EXT1: variants seen among roughly 807,000 people sequenced by gnomAD.
EXT1 encodes exostosin-1.
EXT1 carries 20 observed loss-of-function variants against 82.5 expected under a neutral mutation model. That is an observed-to-expected ratio of 0.24 (90% confidence interval 0.17 to 0.35). EXT1 has a LOEUF of 0.35. Ranked by LOEUF, EXT1 falls within the 10% of genes least tolerant of loss-of-function variation. EXT1 has a pLI of 1.00. For missense variants in EXT1, 757 were observed against 936.5 expected, an observed-to-expected ratio of 0.81 and a Z score of 2.50; for synonymous variants, 348 against 350.8, an observed-to-expected ratio of 0.99 and a Z score of 0.09.
At chr8:117,956,370 C>T (rs1814586178) in intron 1 of EXT1, among the ~76,000 whole-genome samples, 2 of 152,110 alleles carry the variant, frequency 1.3e-5, no homozygotes, top group African/African-American at 4.8e-5. Context: ...GACTACCATT[C>T]TATGAGAATC....
At chr8:117,985,170 A>G (rs112992414) in intron 1 of EXT1, among the ~76,000 whole-genome samples, 24 of 152,344 alleles carry the variant, frequency 1.6e-4, no homozygotes, top group Non-Finnish European at 2.9e-4. Flanking sequence ...GAGCCCATAC[A>G]TACCAAACCA....
chr8:118,063,710 CTCTCCTGTGAGA>C (rs1483459106), intron 1 of EXT1, among the ~76,000 whole-genome samples: 2 of 152,350 alleles, frequency 1.3e-5, no homozygotes, highest in Admixed American at 6.5e-5. Context: ...TACAACTAGA[CTCTCCTGTGAGA>C]TCACAGACAA....
chr8:118,060,990 A>C lies in EXT1; in HGVS notation c.962+49095T>G, dbSNP rs191683501. On this transcript the variant is annotated intron_variant, in intron 1 of 10. Transcript: ENST00000378204. ...TGCACAATGGGTGTTCTCAAGTGAAAGGGATTTGCAGGCAAAATGCCTGAG... is the reference window on the plus strand; with the variant it reads ...TGCACAATGGGTGTTCTCAAGTGAACGGGATTTGCAGGCAAAATGCCTGAG... Among the ~76,000 whole-genome samples the C allele has an allele frequency of 1.9e-3, 282 of 152,362 alleles. 4 individuals carry two copies. The highest frequency in any genetic ancestry group is 6.7e-3 in the African/African-American group (279 of 41,588).
chr8:117,831,481 G>A, intron 3 of EXT1: 1 of 425,416 alleles, frequency 2.4e-6, no homozygotes, highest in Admixed American at 2.7e-5. Context: ...CCTGAGTCTG[G>A]TAAGTTTTCT....
intron 1 of EXT1, among the ~76,000 whole-genome samples, chr8:118,005,030 A>G (rs983606275): frequency 2.0e-5 from 3 of 152,146 alleles, no homozygotes; most frequent in African/African-American, 7.2e-5. Flanking sequence ...CCACTTTTAC[A>G]TGGGGGTGAG....
chr8:117,867,833 G>C (rs955229288), intron 1 of EXT1, among the ~76,000 whole-genome samples: 3 of 152,140 alleles, frequency 2.0e-5, no homozygotes, highest in Non-Finnish European at 4.4e-5. Flanking sequence ...CACCATTTAT[G>C]TGTTTCATCA....
chr8:118,042,407 G>T (rs184180085), intron 1 of EXT1, among the ~76,000 whole-genome samples: 210 of 152,196 alleles, frequency 1.4e-3, no homozygotes, highest in Middle Eastern at 6.8e-3. Context: ...GATTTTTCCT[G>T]CCTCTGCCTC....
At chr8:117,980,854 C>A (rs1208188735) in intron 1 of EXT1, among the ~76,000 whole-genome samples, 2 of 152,110 alleles carry the variant, frequency 1.3e-5, no homozygotes, top group African/African-American at 4.8e-5. Context: ...CAGTCCCCGG[C>A]CACCAGGACA....
intron 1 of EXT1, among the ~76,000 whole-genome samples, chr8:118,073,821 T>C (rs1477530223): frequency 6.6e-6 from 1 of 152,192 alleles, no homozygotes; most frequent in Non-Finnish European, 1.5e-5. Flanking sequence ...AGCTATGACT[T>C]ACTGAGCAAT....
intron 1 of EXT1, among the ~76,000 whole-genome samples, chr8:117,882,921 G>A (rs1563589961): frequency 2.0e-5 from 3 of 149,360 alleles, no homozygotes; most frequent in South Asian, 2.1e-4. Flanking sequence ...AGATTGCAGC[G>A]AGCCAAGATC....
chr8:118,019,246 T>TGAAAGAAAGAAAGAAA (rs58914414), intron 1 of EXT1, among the ~76,000 whole-genome samples: 24,430 of 145,460 alleles, frequency 0.17, 2,104 homozygotes, highest in Middle Eastern at 0.29. Context: ...GCAGTACGAT[T>TGAAAGAAAGAAAGAAA]GAAAGAAAGA....
At chr8:117,831,732 A>T (rs1812101999) in intron 3 of EXT1, 1 of 466,244 alleles carries the variant, frequency 2.1e-6, no homozygotes, top group Admixed American at 2.4e-5. Context: ...ACTGTAACAG[A>T]GTTTCCATTG....
At chr8:117,859,258 T>G (rs1208172378) in intron 1 of EXT1, among the ~76,000 whole-genome samples, 2 of 152,178 alleles carry the variant, frequency 1.3e-5, no homozygotes, top group Non-Finnish European at 2.9e-5. Flanking sequence ...GAACTTAGTG[T>G]TCAAAAACAG....
At chr8:117,912,068 TGAA>T (rs376888019) in intron 1 of EXT1, among the ~76,000 whole-genome samples, 15 of 151,756 alleles carry the variant, frequency 9.9e-5, no homozygotes, top group Admixed American at 3.9e-4. Context: ...TTTAGGCACC[TGAA>T]GAAGAAGAAG....
At chr8:117,975,655 T>C (rs1815048782) in intron 1 of EXT1, among the ~76,000 whole-genome samples, 1 of 152,150 alleles carries the variant, frequency 6.6e-6, no homozygotes, top group Non-Finnish European at 1.5e-5. Flanking sequence ...TTAAAGGACA[T>C]TGCAAACAAT....
intron 1 of EXT1, among the ~76,000 whole-genome samples, chr8:117,939,136 C>G (rs1814225174): frequency 6.6e-6 from 1 of 152,192 alleles, no homozygotes; most frequent in Non-Finnish European, 1.5e-5. Flanking sequence ...TCCCCCAGCC[C>G]TGCAAGAACT....
At chr8:117,892,478 A>T (rs911482235) in intron 1 of EXT1, among the ~76,000 whole-genome samples, 7 of 152,210 alleles carry the variant, frequency 4.6e-5, no homozygotes, top group African/African-American at 1.7e-4. Flanking sequence ...CTGCTGAGGA[A>T]GAAGAGGGTT....
chr8:117,956,609 AT>A (rs949258102), intron 1 of EXT1, among the ~76,000 whole-genome samples: 5 of 151,180 alleles, frequency 3.3e-5, no homozygotes, highest in Non-Finnish European at 7.4e-5. Flanking sequence ...TACCTGGCTA[AT>A]TTTTTTTTGT....
In EXT1 at chr8:117,822,682, G is replaced by A. The variant is rs1811945016; in HGVS notation, c.1285-85C>T. On this transcript the variant is annotated intron_variant, in intron 4 of 10. Transcript: ENST00000378204. ...GATGCTCAATCCAAATTCGAAAGAT[G>A]GTGGCAGTCAGAGTAGTGACTCTAC... 5 of 1,523,724 alleles carry A rather than the reference G, an allele frequency of 3.3e-6. No individual in the cohort carries two copies. In the Admixed American group the frequency reaches 5.0e-5, roughly 15 times the overall value. 94.4% of individuals were successfully genotyped at this position (1,523,724 alleles called of 1,614,324 possible).
Sources: allele counts gnomAD v4.1 joint callset (sites outside exome capture counted in the v4.1 genomes callset), GRCh38; gene constraint gnomAD v4.1.1; transcripts MANE v1.5; gene names NCBI Gene and HGNC (gene_info 2026-07-23, HGNC 2026-07-21).